Variants in DBF4 observed in about 807,000 individuals in gnomAD.
DBF4 encodes DBF4-CDC7 kinase regulatory subunit, also known as protein DBF4 homolog A.
DBF4 carries 25 observed loss-of-function variants against 76.6 expected under a neutral mutation model. The observed-to-expected ratio is 0.33, with a 90% CI of 0.24 to 0.46. The LOEUF is 0.46. Ranked by LOEUF, DBF4 falls within the 20% of genes least tolerant of loss-of-function variation. The pLI is 1.00. For synonymous variants in DBF4, 213 were observed against 258.0 expected, an observed-to-expected ratio of 0.83 and a Z score of 1.67; for missense variants, 638 against 760.8, an observed-to-expected ratio of 0.84 and a Z score of 1.90.
chr7:87,878,731 A>G (rs929131059), intron 2 of DBF4, among the ~76,000 whole-genome samples: 3 of 152,208 alleles, frequency 2.0e-5, no homozygotes, highest in Non-Finnish European at 2.9e-5. Flanking sequence ...TACCTTATAC[A>G]CTGATTAGAT....
intron 8 of DBF4, among the ~76,000 whole-genome samples, chr7:87,897,715 A>ATC (rs1392112486): frequency 2.0e-5 from 3 of 152,220 alleles, no homozygotes; most frequent in African/African-American, 4.8e-5. Flanking sequence ...TAAGTATAAC[A>ATC]TCTAACATGG....
Position 87,897,459 on chromosome 7 carries a change from C to T in DBF4, c.680+120C>T, listed in dbSNP as rs553594969. 33 of 854,288 alleles carry T rather than the reference C, an allele frequency of 3.9e-5. 1 individual carries two copies. In the South Asian group the frequency reaches 5.2e-4, roughly 14 times the overall value. The allele number at this position is 854,288 out of a possible 1,614,324, so 52.9% of individuals were successfully genotyped here. On this transcript the variant is annotated intron_variant, in intron 8 of 11. Coordinates refer to ENST00000265728, the MANE Select transcript of DBF4 (RefSeq NM_006716.4). ...TCCTTTGTGTTTGATTTATATTATA[C>T]TAATGTGCATGCGGCACAAGTTAAC... is the stretch of plus-strand genomic sequence containing the variant.
intron 6 of DBF4, among the ~76,000 whole-genome samples, chr7:87,891,603 G>T (rs1269306399): frequency 6.6e-6 from 1 of 152,116 alleles, no homozygotes; most frequent in Non-Finnish European, 1.5e-5. Flanking sequence ...ACTTTGTAAT[G>T]TCTATGGGAA....
At chr7:87,905,498 T>G (rs1839894267) in intron 11 of DBF4, among the ~76,000 whole-genome samples, 2 of 152,176 alleles carry the variant, frequency 1.3e-5, no homozygotes, top group African/African-American at 4.8e-5. Flanking sequence ...ATGGGTATGT[T>G]TACTAAAGGT....
chr7:87,893,742 T>G (rs1839556240), intron 6 of DBF4, among the ~76,000 whole-genome samples: 3 of 152,228 alleles, frequency 2.0e-5, no homozygotes, highest in Non-Finnish European at 4.4e-5. Context: ...TTGCAGATAT[T>G]GTCTTTTTCA....
At chr7:87,903,083 TG>T (rs1839827970) in intron 10 of DBF4, among the ~76,000 whole-genome samples, 1 of 152,174 alleles carries the variant, frequency 6.6e-6, no homozygotes, top group African/African-American at 2.4e-5. Context: ...CTTTTTGTTT[TG>T]TTTTTTGTTT....
chr7:87,886,477 A>G (rs900325634), intron 3 of DBF4, among the ~76,000 whole-genome samples: 6 of 144,912 alleles, frequency 4.1e-5, no homozygotes, highest in African/African-American at 1.3e-4. Context: ...AGAGGTTGCA[A>G]TGAGCTGAGA....
At chr7:87,904,169 T>C in intron 10 of DBF4, 123 bp from the exon 11 acceptor site, 1 of 935,784 alleles carries the variant, frequency 1.1e-6, no homozygotes, top group Non-Finnish European at 1.5e-6. Flanking sequence ...AAGGGTATTA[T>C]CTTTGGAGTA....
intron 1 of DBF4, 91 bp from the exon 2 acceptor site, chr7:87,877,962 G>T (rs1485398393): frequency 3.8e-6 from 4 of 1,060,704 alleles, no homozygotes; most frequent in African/African-American, 3.3e-5. Context: ...AGGGTTGTAA[G>T]GATTTTTATT....
chr7:87,904,254 A>G (rs764854113), intron 10 of DBF4, 38 bp from the exon 11 acceptor site: 2 of 1,564,498 alleles, frequency 1.3e-6, no homozygotes, highest in South Asian at 1.2e-5. Context: ...TTGATTTTAA[A>G]TACAATTTTT....
chr7:87,895,667 G>A (rs533201745), intron 6 of DBF4, among the ~76,000 whole-genome samples: 1 of 152,234 alleles, frequency 6.6e-6, no homozygotes, highest in South Asian at 2.1e-4. Context: ...GATTTATATA[G>A]GGAATTAGGG....
intron 8 of DBF4, among the ~76,000 whole-genome samples, chr7:87,897,761 C>G (rs947594967): frequency 6.6e-6 from 1 of 151,938 alleles, no homozygotes; most frequent in Non-Finnish European, 1.5e-5. Flanking sequence ...GTAGGATAGT[C>G]TTGTTGTTGT....
chr7:87,906,000 GAAA>G (rs919241602), intron 11 of DBF4, among the ~76,000 whole-genome samples: 1 of 138,574 alleles, frequency 7.2e-6, no homozygotes, highest in Non-Finnish European at 1.6e-5. Context: ...CATCTCCACT[GAAA>G]AAAAAAAAAA....
At chr7:87,896,149 A>G (rs1370240149) in intron 6 of DBF4, 1 of 240,484 alleles carries the variant, frequency 4.2e-6, no homozygotes, top group Non-Finnish European at 8.0e-6. Flanking sequence ...AATGTTGACT[A>G]ATTTCTTTAT....
intron 3 of DBF4, 44 bp from the exon 4 acceptor site, chr7:87,886,800 T>G: frequency 8.5e-7 from 1 of 1,171,422 alleles, no homozygotes; most frequent in Non-Finnish European, 1.3e-6. Flanking sequence ...TAACCTGTTC[T>G]CCAGTTAAGC....
chr7:87,892,763 A>G (rs1159035406), intron 6 of DBF4, among the ~76,000 whole-genome samples: 2 of 152,152 alleles, frequency 1.3e-5, no homozygotes, highest in Non-Finnish European at 2.9e-5. Flanking sequence ...AATTAAAAAT[A>G]TTTTTAAATT....
rs765202535 is a variant in DBF4 at position 87,907,764 on chromosome 7, C to T, written c.1626C>T (p.His542=). ...GLITINSSQE[H]LTVQAKAPFH... Reference sequence around the variant, plus strand: ...TAACAATAAACAGTTCACAAGAGCACCTAACTGTTCAGGCAAAGGCTCCAT... The same window carrying T: ...TAACAATAAACAGTTCACAAGAGCATCTAACTGTTCAGGCAAAGGCTCCAT... Residue 542 remains histidine, a synonymous_variant, in exon 12 of 12, where the codon CAC becomes CAT. Coordinates refer to ENST00000265728, the MANE Select transcript of DBF4 (RefSeq NM_006716.4). 2 of 1,614,076 alleles carry T rather than the reference C, an allele frequency of 1.2e-6. No individual in the cohort carries two copies. Among genetic ancestry groups the T allele is most frequent in the East Asian group, 4.5e-5 (2 of 44,870 alleles).
intron 10 of DBF4, among the ~76,000 whole-genome samples, chr7:87,903,671 GTC>G (rs201108263): frequency 1.4e-5 from 2 of 139,108 alleles, no homozygotes; most frequent in Non-Finnish European, 3.1e-5. Context: ...TGTTACTGTT[GTC>G]TCTCTCTCTG....
At position 87,907,390 on chromosome 7, in the gene DBF4, C is replaced by T. The variant is rs761147230; in HGVS notation, c.1252C>T (p.His418Tyr). Residue 418 changes from histidine (H) to tyrosine (Y), a missense_variant, in exon 12 of 12, where the codon CAC becomes TAC. His to Tyr is a moderately conservative substitution (Grantham distance 83, BLOSUM62 2). Transcript: ENST00000265728. The stretch of plus-strand genomic sequence containing the variant: ...CCTGTTTATTTCAGAGCCCATCCCC[C>T]ACCCTTCAAATGAATTGAGAGGGCT... ...KLLFISEPIP[H>Y]PSNELRGLNE... 23 of 1,613,886 alleles carry T rather than the reference C, an allele frequency of 1.4e-5. No individual in the cohort carries two copies. Among genetic ancestry groups the T allele is most frequent in the Non-Finnish European group, 1.9e-5 (22 of 1,179,960 alleles).
Sources: gnomAD v4.1 joint callset for allele counts (sites outside exome capture counted in the v4.1 genomes callset) on GRCh38, gnomAD v4.1.1 for gene constraint, MANE v1.5 for transcripts, NCBI Gene and HGNC (gene_info 2026-07-23, HGNC 2026-07-21) for gene names.